Variants in BTBD10 observed in about 807,000 individuals in gnomAD.
The protein encoded by BTBD10 is BTB domain containing 10.
A neutral mutation model predicts 53.2 loss-of-function variants in BTBD10; 21 were observed. The ratio of observed to expected loss-of-function variants is 0.39; its 90% CI spans 0.28 to 0.57. BTBD10 has a LOEUF of 0.57. BTBD10 is among the 20% of genes least tolerant of loss of function. The probability of loss-of-function intolerance (pLI) is 0.53; values close to 1 mark genes in which losing one functional copy is unlikely to be tolerated. For missense variants in BTBD10, 360 were observed against 594.7 expected, an observed-to-expected ratio of 0.61 and a Z score of 4.10; for synonymous variants, 149 against 192.7, an observed-to-expected ratio of 0.77 and a Z score of 1.88.
At chr11:13,415,699 ATTTTC>A (rs1020806498) in intron 5 of BTBD10, among the ~76,000 whole-genome samples, 5 of 151,620 alleles carry the variant, frequency 3.3e-5, no homozygotes, top group South Asian at 2.1e-4. Context: ...TTATCTAAAT[ATTTTC>A]TTTTATCTTG....
intron 6 of BTBD10, among the ~76,000 whole-genome samples, chr11:13,407,058 T>C (rs964106274): frequency 6.6e-6 from 1 of 152,132 alleles, no homozygotes; most frequent in African/African-American, 2.4e-5. Flanking sequence ...CTTTTGGTCC[T>C]GATCTTATTT....
chr11:13,462,381 C>G (rs762633267), intron 1 of BTBD10, among the ~76,000 whole-genome samples: 6 of 152,192 alleles, frequency 3.9e-5, no homozygotes, highest in African/African-American at 1.4e-4. Flanking sequence ...AAGTGAAGCT[C>G]TATCTTTCAG....
intron 2 of BTBD10, among the ~76,000 whole-genome samples, chr11:13,444,486 A>C (rs1950718847): frequency 6.6e-6 from 1 of 152,194 alleles, no homozygotes; most frequent in African/African-American, 2.4e-5. Context: ...AATAATAGAT[A>C]GATGGCCTGA....
chr11:13,395,387 G>T (rs942511262), intron 8 of BTBD10, among the ~76,000 whole-genome samples: 17 of 151,752 alleles, frequency 1.1e-4, no homozygotes, highest in African/African-American at 4.1e-4. Flanking sequence ...TTTTGATGGG[G>T]TTGTTTTTTT....
rs531148352 is a variant in BTBD10 at position 13,388,182 on chromosome 11, A to T, written c.*649T>A. The T allele has an allele frequency of 6.5e-6, 1 of 152,782 alleles. No individual in the cohort carries two copies. The highest frequency in any genetic ancestry group is 1.9e-4 in the East Asian group (1 of 5,190). 9.5% of individuals were successfully genotyped at this position (152,782 alleles called of 1,614,324 possible). A position where few individuals can be genotyped will look rare whatever the true frequency, so the allele number is the denominator to read the frequency against. On this transcript the variant is annotated 3_prime_UTR_variant, in exon 9 of 9. Coordinates refer to ENST00000278174, the MANE Select transcript of BTBD10 (RefSeq NM_032320.7). ...GATTAAGGGTAAGGCAGACTGGATA[A>T]TAAACCACCTCTGACATTCACACTC...
chr11:13,455,997 A>G (rs1252035473), intron 1 of BTBD10, among the ~76,000 whole-genome samples: 1 of 152,154 alleles, frequency 6.6e-6, no homozygotes, highest in East Asian at 1.9e-4. Flanking sequence ...GCGACTTTCC[A>G]TTATCACAAC....
chr11:13,447,021 T>C (rs1402737362), intron 1 of BTBD10, among the ~76,000 whole-genome samples: 2 of 152,178 alleles, frequency 1.3e-5, no homozygotes, highest in African/African-American at 2.4e-5. Flanking sequence ...AATAAAGATG[T>C]AGAGATTTGG....
chr11:13,454,573 C>G (rs1313757283), intron 1 of BTBD10, among the ~76,000 whole-genome samples: 1 of 151,962 alleles, frequency 6.6e-6, no homozygotes, highest in Non-Finnish European at 1.5e-5. Flanking sequence ...TTAAAGTGGC[C>G]AGGTATGGTG....
intron 2 of BTBD10, among the ~76,000 whole-genome samples, chr11:13,441,864 T>A (rs1052729197): frequency 2.6e-5 from 4 of 152,130 alleles, no homozygotes; most frequent in African/African-American, 7.2e-5. Context: ...TATTTCTCAG[T>A]CTCCCTGATC....
chr11:13,388,977 G>C lies in BTBD10; in HGVS notation c.1282C>G (p.Leu428Val), dbSNP rs1360930247. 1 of 1,614,180 alleles carries C rather than the reference G, an allele frequency of 6.2e-7. No individual in the cohort carries two copies. The highest frequency in any genetic ancestry group is 8.5e-7 in the Non-Finnish European group (1 of 1,180,034). Residue 428 changes from leucine (L) to valine (V), a missense_variant, in exon 9 of 9, where the codon CTT becomes GTT. This residue lies in a region of BTBD10 where 52 missense variants were observed against 180.4 expected (regional missense o/e 0.29). Transcript: ENST00000278174. ...GGAATGTCTGCTGCAGCTGCTGCAA[G>C]ATTGGTGATAGATTTACTCTTTACA... ...QCVKSKSITN[L>V]AAAAADIPQD... is the part of the protein sequence containing the mutation.
chr11:13,413,180 G>C (rs959629229), intron 6 of BTBD10, among the ~76,000 whole-genome samples: 1 of 152,056 alleles, frequency 6.6e-6, no homozygotes, highest in Admixed American at 6.6e-5. Context: ...TAAATTTTTG[G>C]ATGATGTAAT....
At chr11:13,429,097 T>C (rs1950400219) in intron 2 of BTBD10, among the ~76,000 whole-genome samples, 2 of 151,874 alleles carry the variant, frequency 1.3e-5, no homozygotes, top group East Asian at 1.9e-4. Context: ...CTGAAATACT[T>C]AGGGATAAAT....
chr11:13,426,890 C>T (rs762561463), intron 2 of BTBD10, among the ~76,000 whole-genome samples: 4 of 152,186 alleles, frequency 2.6e-5, no homozygotes, highest in Non-Finnish European at 5.9e-5. Flanking sequence ...TCAATAATCA[C>T]ATTAAATACA....
intron 8 of BTBD10, among the ~76,000 whole-genome samples, chr11:13,397,973 A>G (rs1028269544): frequency 5.9e-5 from 9 of 152,268 alleles, no homozygotes; most frequent in East Asian, 3.9e-4. Context: ...TATGTGGTCA[A>G]TTTTGGAATA....
chr11:13,446,392 A>T (rs531240060), intron 1 of BTBD10, among the ~76,000 whole-genome samples: 1 of 152,342 alleles, frequency 6.6e-6, no homozygotes, highest in Non-Finnish European at 1.5e-5. Context: ...AATTGTGTTC[A>T]TATCAAAAAT....
intron 1 of BTBD10, among the ~76,000 whole-genome samples, chr11:13,450,198 T>C (rs1237919336): frequency 2.0e-5 from 3 of 151,956 alleles, no homozygotes; most frequent in African/African-American, 7.3e-5. Flanking sequence ...TATCCAAATA[T>C]ATGGATGGTA....
At chr11:13,429,932 T>A (rs1381662913) in intron 2 of BTBD10, among the ~76,000 whole-genome samples, 1 of 148,630 alleles carries the variant, frequency 6.7e-6, no homozygotes, top group Non-Finnish European at 1.5e-5. Flanking sequence ...AGTGAGACCA[T>A]TTCTACAAAA....
intron 1 of BTBD10, among the ~76,000 whole-genome samples, chr11:13,459,223 A>AT (rs548982181): frequency 2.0e-5 from 3 of 150,100 alleles, no homozygotes; most frequent in South Asian, 2.1e-4. Context: ...CGCCCGGCTA[A>AT]TTTTTTTTGT....
Position 13,396,733 on chromosome 11 carries a change from G to C in BTBD10, c.1117+6435C>G, listed in dbSNP as rs187391327. Among the ~76,000 whole-genome samples, 1,391 of 151,056 alleles carry C rather than the reference G, an allele frequency of 9.2e-3. 93 individuals are homozygous for C. Among genetic ancestry groups the C allele is most frequent in the Admixed American group, 0.083 (1,258 of 15,138 alleles). On this transcript the variant is annotated intron_variant, in intron 8 of 8. Transcript: ENST00000278174. ...ACGTTCCATCAATATCTAATTTATTGAGAGTTTTTAGCATGAAGTGTTGTT... is the reference window on the plus strand; with the variant it reads ...ACGTTCCATCAATATCTAATTTATTCAGAGTTTTTAGCATGAAGTGTTGTT...
Sources: gnomAD v4.1 joint callset for allele counts (sites outside exome capture counted in the v4.1 genomes callset) on GRCh38, gnomAD v4.1.1 for gene constraint, gnomAD v4.1.1 regional missense constraint, MANE v1.5 for transcripts, NCBI Gene and HGNC (gene_info 2026-07-23, HGNC 2026-07-21) for gene names.